ZNF112: variants seen among roughly 807,000 people sequenced by gnomAD.
ZNF112 encodes zinc finger protein 112, also known as zinc finger protein 112 (Y14).
Under a neutral mutation model 77.7 loss-of-function variants are expected in ZNF112, and 37 were observed. The observed-to-expected ratio is 0.48, with a 90% CI of 0.37 to 0.63. ZNF112 has a LOEUF of 0.63. ZNF112 is among the 20% of genes least tolerant of loss of function. ZNF112 has a pLI of 0.00. For missense variants in ZNF112, 950 were observed against 1,077.4 expected (o/e 0.88, Z 1.66); for synonymous variants, 333 against 363.6 (o/e 0.92, Z 0.96).
intron 3 of ZNF112, among the ~76,000 whole-genome samples, chr19:44,330,545 G>C (rs1970251283): frequency 6.6e-6 from 1 of 152,092 alleles, no homozygotes; most frequent in South Asian, 2.1e-4. Flanking sequence ...AGACCAGCCT[G>C]GCCAACATGG....
chr19:44,365,264 G>A (rs1287006955), intron 1 of ZNF112, among the ~76,000 whole-genome samples: 1 of 151,956 alleles, frequency 6.6e-6, no homozygotes, highest in African/African-American at 2.4e-5. Context: ...GACCAGCCCA[G>A]GCAACTTGGT....
Position 44,328,607 on chromosome 19 carries a change from T to C in ZNF112, c.1550A>G (p.Lys517Arg). 1 of 1,614,010 alleles carries C rather than the reference T, an allele frequency of 6.2e-7. No individual in the cohort carries two copies. Among genetic ancestry groups the C allele is most frequent in the Non-Finnish European group, 8.5e-7 (1 of 1,180,020 alleles). The change falls in exon 4 of 4, where the codon AAG (lysine) becomes AGG (arginine). Residue 517 changes from lysine (K) to arginine (R), a missense_variant. By Grantham distance (26) the Lys-to-Arg change is conservative. Around this residue, in one of 3 missense-constraint regions of ZNF112, gnomAD observed 373 missense variants for 482.8 expected, o/e 0.77. Coordinates refer to ENST00000354340, the MANE Select transcript of ZNF112 (RefSeq NM_013380.4). ...GCCGCATATATTGCATTTGTATGGC[T>C]TCTGTCCAGTGTGGACTCTCTGATG... ...KDHQRVHTGQKPYKCNICGKG... is the reference protein window; with the variant it reads ...KDHQRVHTGQRPYKCNICGKG...
Position 44,328,195 on chromosome 19 carries a change from T to C in ZNF112, c.1962A>G (p.Thr654=). The change falls in exon 4 of 4, where the codon ACA becomes ACG. Residue 654 remains threonine, a synonymous_variant. Coordinates refer to ENST00000354340, the MANE Select transcript of ZNF112 (RefSeq NM_013380.4). ...FNLQIHQRVH[T]GEKPYKCEEC... ...CTTCACATTTATAGGGTTTTTCTCC[T>C]GTGTGAACCCTCTGATGAATTTGAA... 2.5e-6 allele frequency: 4 copies of C among 1,614,070 alleles called. No homozygotes were observed. Among genetic ancestry groups the C allele is most frequent in the Non-Finnish European group, 2.5e-6 (3 of 1,179,972 alleles).
chr19:44,329,871 C>T lies in ZNF112; in HGVS notation c.286G>A (p.Glu96Lys). 6.2e-7 allele frequency: 1 copy of T among 1,613,948 alleles called. No homozygotes were observed. Among genetic ancestry groups the T allele is most frequent in the Non-Finnish European group, 8.5e-7 (1 of 1,179,982 alleles). The change falls in exon 4 of 4, where the codon GAG becomes AAG. Residue 96 changes from glutamate to lysine, a missense_variant. Glu to Lys is a moderately conservative substitution (Grantham distance 56). This residue lies in a region of ZNF112 where 560 missense variants were observed against 557.3 expected (regional missense o/e 1.00). Transcript: ENST00000354340. ...TGCCAGGTCTGACGGGAGGAAAGCT[C>T]TTTGGGGGAAAAGTAGCTTACTGTT... Reference protein sequence around the residue: ...EVTVSYFSPKELSSRQTWQQS... With the variant: ...EVTVSYFSPKKLSSRQTWQQS...
chr19:44,335,340 C>A (rs934553442), intron 3 of ZNF112, among the ~76,000 whole-genome samples: 2 of 152,202 alleles, frequency 1.3e-5, no homozygotes. Flanking sequence ...GAGTATTATG[C>A]ATCCATTACA....
At chr19:44,345,716 G>T (rs997019943) in intron 1 of ZNF112, among the ~76,000 whole-genome samples, 1 of 152,156 alleles carries the variant, frequency 6.6e-6, no homozygotes, top group Non-Finnish European at 1.5e-5. Context: ...AAGCCACACA[G>T]GAATCTTTCA....
At chr19:44,334,050 G>A (rs540156457) in intron 3 of ZNF112, among the ~76,000 whole-genome samples, 18 of 152,328 alleles carry the variant, frequency 1.2e-4, no homozygotes, top group African/African-American at 4.1e-4. Flanking sequence ...TCCAGGCTGA[G>A]GTGGTCTCAG....
intron 1 of ZNF112, among the ~76,000 whole-genome samples, chr19:44,348,386 T>C (rs537249345): frequency 1.3e-5 from 2 of 152,260 alleles, no homozygotes; most frequent in East Asian, 3.9e-4. Context: ...ATTTTTTTTC[T>C]CTCTGTTGCT....
upstream of ZNF112, among the ~76,000 whole-genome samples, chr19:44,360,695 A>C (rs375664044): frequency 6.6e-6 from 1 of 152,236 alleles, no homozygotes; most frequent in Non-Finnish European, 1.5e-5. Flanking sequence ...CGCTGCAGCA[A>C]CATGGGAACA....
chr19:44,328,010 A>G lies in ZNF112; in HGVS notation c.2147T>C (p.Ile716Thr), dbSNP rs750673588. 18 of 1,611,154 alleles carry G rather than the reference A, an allele frequency of 1.1e-5. No homozygotes were observed. Among genetic ancestry groups the G allele is most frequent in the Non-Finnish European group, 1.5e-5 (18 of 1,179,118 alleles). Residue 716 changes from isoleucine to threonine, a missense_variant, in exon 4 of 4, where the codon ATA (isoleucine) becomes ACA (threonine). Physicochemically the swap from Ile to Thr is moderately conservative, Grantham distance 89. Coordinates refer to ENST00000354340, the MANE Select transcript of ZNF112 (RefSeq NM_013380.4). Reference protein sequence around the residue: ...QSVHSGERPYICEVCGKGFSQ... With the variant: ...QSVHSGERPYTCEVCGKGFSQ... The stretch of plus-strand genomic sequence containing the variant: ...GAAGCCCTTTCCACATACCTCACAT[A>G]TATATGGTCTTTCTCCAGAATGGAC...
chr19:44,343,985 T>C (rs1261414278), intron 1 of ZNF112, among the ~76,000 whole-genome samples: 1 of 152,210 alleles, frequency 6.6e-6, no homozygotes, highest in Non-Finnish European at 1.5e-5. Context: ...TGCCACAGTA[T>C]ATACTATATA....
rs1226185429 is a variant in ZNF112 at position 44,327,762 on chromosome 19, A to G, written c.2395T>C (p.Tyr799His). 1 of 1,613,890 alleles carries G rather than the reference A, an allele frequency of 6.2e-7. No homozygotes were observed. Among genetic ancestry groups the G allele is most frequent in the Non-Finnish European group, 8.5e-7 (1 of 1,179,984 alleles). The change falls in exon 4 of 4, where the codon TAT becomes CAT. Residue 799 changes from tyrosine to histidine, a missense_variant. By Grantham distance (83) the Tyr-to-His change is moderately conservative. Coordinates refer to ENST00000354340, the MANE Select transcript of ZNF112 (RefSeq NM_013380.4). ...HQRVHVEGRPYKCEQCGKGFS... is the reference protein window; with the variant it reads ...HQRVHVEGRPHKCEQCGKGFS... Reference sequence around the variant, plus strand: ...CCCTTACCACACTGTTCACATTTATAGGGTCTCCCTTCCACATGAACCCTT... The same window carrying G: ...CCCTTACCACACTGTTCACATTTATGGGGTCTCCCTTCCACATGAACCCTT...
At chr19:44,356,693 C>T (rs1970793667), upstream of ZNF112, 1 of 152,252 alleles carries the variant, frequency 6.6e-6, no homozygotes, top group Non-Finnish European at 1.5e-5. Context: ...CTACCGAGAC[C>T]TCCTGGACTA....
intron 1 of ZNF112, chr19:44,343,195 T>A: frequency 6.3e-7 from 1 of 1,591,324 alleles, no homozygotes; most frequent in Non-Finnish European, 8.6e-7. Context: ...GAAAAAGATA[T>A]GTCCACTCAC....
intron 1 of ZNF112, chr19:44,343,161 T>A: frequency 2.8e-6 from 4 of 1,435,296 alleles, no homozygotes; most frequent in Non-Finnish European, 3.8e-6. Context: ...CTGTTGTCAT[T>A]CTTTACCCTT....
chr19:44,359,089 A>G (rs567806467), upstream of ZNF112, among the ~76,000 whole-genome samples: 3 of 152,232 alleles, frequency 2.0e-5, no homozygotes, highest in South Asian at 6.2e-4. Flanking sequence ...TTAGATGTCT[A>G]AGTCCTAACA....
At chr19:44,331,289 A>G (rs1054302763) in intron 3 of ZNF112, among the ~76,000 whole-genome samples, 5 of 152,234 alleles carry the variant, frequency 3.3e-5, no homozygotes, top group Non-Finnish European at 7.3e-5. Flanking sequence ...AGCCAGGAAC[A>G]GAACTCAATG....
intron 2 of ZNF112, among the ~76,000 whole-genome samples, chr19:44,339,305 C>T (rs2123171975): frequency 6.6e-6 from 1 of 152,234 alleles, no homozygotes; most frequent in Non-Finnish European, 1.5e-5. Flanking sequence ...GAGTGTCTTT[C>T]GTTTACCCAG....
At chr19:44,359,558 G>A (rs1166104282), upstream of ZNF112, among the ~76,000 whole-genome samples, 6 of 151,840 alleles carry the variant, frequency 4.0e-5, no homozygotes, top group South Asian at 6.2e-4. Context: ...TCCTGACCTC[G>A]TGATCCACCC....
Sources: allele counts gnomAD v4.1 joint callset (sites outside exome capture counted in the v4.1 genomes callset), GRCh38; gene constraint gnomAD v4.1.1; regional missense constraint gnomAD v4.1.1; transcripts MANE v1.5; gene names NCBI Gene and HGNC (gene_info 2026-07-23, HGNC 2026-07-21).